Variants in TENM3 observed in about 807,000 individuals in gnomAD.
TENM3 encodes the protein teneurin-3.
Under a neutral mutation model 255.1 loss-of-function variants are expected in TENM3, and 63 were observed. That is an observed-to-expected ratio of 0.25 (90% confidence interval 0.20 to 0.30). The LOEUF (loss-of-function observed/expected upper bound fraction) is 0.30, where lower values mean the gene tolerates loss of function less well. Ranked by LOEUF, TENM3 falls within the 10% of genes least tolerant of loss-of-function variation. The probability of loss-of-function intolerance (pLI) is 1.00; values close to 1 mark genes in which losing one functional copy is unlikely to be tolerated. For synonymous variants in TENM3, 1,306 were observed against 1,322.3 expected, an observed-to-expected ratio of 0.99 and a Z score of 0.27; for missense variants, 2,929 against 3,461.1, an observed-to-expected ratio of 0.85 and a Z score of 3.86.
chr4:181,460,623 A>G, the TENM3 span, among the ~76,000 whole-genome samples: 1 of 150,534 alleles, frequency 6.6e-6, no homozygotes, highest in Non-Finnish European at 1.5e-5. Flanking sequence ...TTTGAATTAA[A>G]TAAGTATATT....
chr4:182,292,599 G>T (rs376342032), intron 1 of TENM3, among the ~76,000 whole-genome samples: 3 of 152,152 alleles, frequency 2.0e-5, no homozygotes, highest in Non-Finnish European at 4.4e-5. Context: ...TCACAGATCC[G>T]CATGGTCGCG....
chr4:182,596,962 G>A (rs1022956609), intron 3 of TENM3, among the ~76,000 whole-genome samples: 2 of 152,132 alleles, frequency 1.3e-5, no homozygotes, highest in African/African-American at 4.8e-5. Context: ...TGGCTGTTCT[G>A]GTTGTTCTTG....
the TENM3 span, among the ~76,000 whole-genome samples, chr4:181,510,545 A>G: frequency 6.6e-6 from 1 of 151,106 alleles, no homozygotes; most frequent in African/African-American, 2.4e-5. Flanking sequence ...TCAATAAAAA[A>G]CATGAATAAC....
chr4:182,355,512 A>G (rs1194117367), intron 3 of TENM3, among the ~76,000 whole-genome samples: 1 of 152,154 alleles, frequency 6.6e-6, no homozygotes, highest in East Asian at 1.9e-4. Flanking sequence ...TCACTGTTGT[A>G]CCTCTGTGCT....
chr4:181,619,867 TC>T, the TENM3 span, among the ~76,000 whole-genome samples: 1 of 152,126 alleles, frequency 6.6e-6, no homozygotes, highest in Non-Finnish European at 1.5e-5. Flanking sequence ...GCTTTCAAAA[TC>T]CCCGTCAACA....
At chr4:181,641,554 G>GTGTA in the TENM3 span, among the ~76,000 whole-genome samples, 749 of 26,662 alleles carry the variant, frequency 0.028, 20 homozygotes, top group Non-Finnish European at 0.041. Flanking sequence ...TGGTGTGTGT[G>GTGTA]TATATATATA....
the TENM3 span, among the ~76,000 whole-genome samples, chr4:181,505,632 T>G: frequency 6.6e-6 from 1 of 152,166 alleles, no homozygotes; most frequent in Non-Finnish European, 1.5e-5. Flanking sequence ...TAGGATGGGC[T>G]GTGTGACCAA....
the TENM3 span, among the ~76,000 whole-genome samples, chr4:181,937,968 G>A: frequency 1.6e-3 from 242 of 152,304 alleles, 12 homozygotes; most frequent in South Asian, 0.049. Flanking sequence ...CCAAGGCTCT[G>A]TGGCCCTTCC....
chr4:182,650,889 A>AAAAAAT (rs1281790163), intron 5 of TENM3, among the ~76,000 whole-genome samples: 15 of 29,760 alleles, frequency 5.0e-4, no homozygotes, highest in South Asian at 8.9e-4. Context: ...AATAAAAAAA[A>AAAAAAT]ATATATATAT....
intron 3 of TENM3, among the ~76,000 whole-genome samples, chr4:182,431,665 G>A (rs537105034): frequency 6.6e-5 from 10 of 152,262 alleles, no homozygotes; most frequent in South Asian, 2.1e-4. Context: ...CTAGGGACAC[G>A]GGGAATGCCT....
At chr4:182,621,812 A>AATAATAATAATATAATATATAT (rs1750298187) in intron 4 of TENM3, among the ~76,000 whole-genome samples, 10 of 982 alleles carry the variant, frequency 0.01, no homozygotes, top group African/African-American at 0.011. Flanking sequence ...TATATATATT[A>AATAATAATAATATAATATATAT]TATATATATA....
chr4:182,391,657 AAAGG>A (rs370267008), intron 3 of TENM3, among the ~76,000 whole-genome samples: 8 of 151,218 alleles, frequency 5.3e-5, no homozygotes, highest in African/African-American at 1.9e-4. Context: ...TCTTTTATTC[AAAGG>A]TCAATTCCAA....
At chr4:182,119,518 T>C in the TENM3 span, among the ~76,000 whole-genome samples, 1 of 152,092 alleles carries the variant, frequency 6.6e-6, no homozygotes, top group Non-Finnish European at 1.5e-5. Flanking sequence ...CAGAGAATTG[T>C]GATTCTATGT....
chr4:182,695,063 C>G (rs1173342965), intron 12 of TENM3, among the ~76,000 whole-genome samples: 1 of 152,146 alleles, frequency 6.6e-6, no homozygotes, highest in Non-Finnish European at 1.5e-5. Context: ...ATATGTAATT[C>G]TAAAAATATC....
chr4:182,302,816 G>A (rs1026596005), intron 1 of TENM3, among the ~76,000 whole-genome samples: 7 of 152,122 alleles, frequency 4.6e-5, no homozygotes, highest in Non-Finnish European at 4.4e-5. Context: ...GAGAAGACAG[G>A]CTTCTGTCAT....
chr4:182,156,903 A>C lies in TENM3; in HGVS notation c.-76+12149A>C, dbSNP rs983069571. ...AAATAAGGCCTGATCTCAGACTCACAGGGAGTTTTCGTTTCTAGTTGAGGC... is the reference window on the plus strand; with the variant it reads ...AAATAAGGCCTGATCTCAGACTCACCGGGAGTTTTCGTTTCTAGTTGAGGC... On this transcript the variant is annotated intron_variant, in intron 1 of 2. Coordinates refer to the TENM3 transcript ENST00000512480. Among the ~76,000 whole-genome samples the C allele has an allele frequency of 3.3e-5, 5 of 152,208 alleles. 1 individual carries two copies. The highest frequency in any genetic ancestry group is 4.4e-5 in the Non-Finnish European group (3 of 68,032).
At chr4:181,477,489 T>C in the TENM3 span, among the ~76,000 whole-genome samples, 22 of 152,154 alleles carry the variant, frequency 1.4e-4, no homozygotes, top group Non-Finnish European at 2.6e-4. Context: ...TAATAAAATA[T>C]TTGGGATATT....
the TENM3 span, among the ~76,000 whole-genome samples, chr4:182,017,238 C>T: frequency 3.3e-5 from 5 of 152,242 alleles, no homozygotes; most frequent in Non-Finnish European, 7.3e-5. Context: ...CCAGGCCACA[C>T]GCCGTGCTTC....
At chr4:182,167,206 A>G (rs899714400) in intron 1 of TENM3, among the ~76,000 whole-genome samples, 1 of 152,232 alleles carries the variant, frequency 6.6e-6, no homozygotes, top group South Asian at 2.1e-4. Context: ...ACTTACAAAA[A>G]TAAAATCAGA....
Sources: gnomAD v4.1 joint callset for allele counts (sites outside exome capture counted in the v4.1 genomes callset) on GRCh38, gnomAD v4.1.1 for gene constraint, MANE v1.5 for transcripts, NCBI Gene and HGNC (gene_info 2026-07-23, HGNC 2026-07-21) for gene names.